ZCWPW2: variants seen among roughly 807,000 people sequenced by gnomAD.
ZCWPW2 encodes zinc finger CW-type PWWP domain protein 2.
A neutral mutation model predicts 46.6 loss-of-function variants in ZCWPW2; 45 were observed. The ratio of observed to expected loss-of-function variants is 0.96; its 90% CI spans 0.76 to 1.24. ZCWPW2 has a LOEUF of 1.24. Among genes scored for constraint, ZCWPW2 ranks in the 50% most tolerant of loss-of-function variants. The pLI is 0.00. For missense variants in ZCWPW2, 429 were observed against 403.9 expected (o/e 1.06, Z -0.53); for synonymous variants, 152 against 137.1 (o/e 1.11, Z -0.76).
At chr3:28,411,026 T>TTA (rs1696377315) in intron 2 of ZCWPW2, among the ~76,000 whole-genome samples, 2 of 152,030 alleles carry the variant, frequency 1.3e-5, no homozygotes, top group South Asian at 4.1e-4. Context: ...TTTACTTTAT[T>TTA]TAATGAAGTG....
intron 3 of ZCWPW2, among the ~76,000 whole-genome samples, chr3:28,422,421 C>A (rs1005513612): frequency 1.3e-5 from 2 of 152,102 alleles, no homozygotes; most frequent in East Asian, 3.9e-4. Flanking sequence ...ATCTTTCTAC[C>A]GTCTTCATAG....
At position 28,522,744 on chromosome 3, in the gene ZCWPW2, T is replaced by C. The variant is rs184975616; in HGVS notation, c.909+1628T>C. Among the ~76,000 whole-genome samples the C allele has an allele frequency of 5.7e-4, 87 of 152,318 alleles. 1 individual carries two copies. Among genetic ancestry groups the C allele is most frequent in the Admixed American group, 2.8e-3 (43 of 15,284 alleles). On this transcript the variant is annotated intron_variant, in intron 9 of 9. Coordinates refer to ENST00000383768, the MANE Select transcript of ZCWPW2 (RefSeq NM_001040432.4). ...CTGAATGTTCATGGGTTGTAAATGC[T>C]ACTTTTCCAGTTGGGTTCCTTTCCA... is the stretch of plus-strand genomic sequence containing the variant.
intron 1 of ZCWPW2, among the ~76,000 whole-genome samples, chr3:28,380,974 G>GTAT (rs1559480744): frequency 8.6e-4 from 2 of 2,334 alleles, no homozygotes; most frequent in Non-Finnish European, 1.4e-3. Context: ...ATATATATTT[G>GTAT]GTATATATAT....
At position 28,381,057 on chromosome 3, in the gene ZCWPW2, T is replaced by A. The variant is rs1182219208; in HGVS notation, c.-133-9441T>A. On this transcript the variant is annotated intron_variant, in intron 1 of 9. Coordinates refer to ENST00000383768, the MANE Select transcript of ZCWPW2 (RefSeq NM_001040432.4). ...TATATATATATATTTGGTGTATATA[T>A]ATATATATATATATATATATATACA... Among the ~76,000 whole-genome samples, 175 of 110,140 alleles carry A rather than the reference T, an allele frequency of 1.6e-3. 40 individuals carry two copies. Among genetic ancestry groups the A allele is most frequent in the Middle Eastern group, 0.013 (3 of 226 alleles). The allele number at this position is 110,140 out of a possible 152,430, so 72.3% of individuals were successfully genotyped here. A position where few individuals can be genotyped will look rare whatever the true frequency, so the allele number is the denominator to read the frequency against.
chr3:28,438,367 A>G (rs1170887299), intron 4 of ZCWPW2, among the ~76,000 whole-genome samples: 3 of 152,220 alleles, frequency 2.0e-5, no homozygotes, highest in African/African-American at 2.4e-5. Flanking sequence ...GACATTAAAC[A>G]TAGGACATTT....
At chr3:28,491,957 T>A (rs771060224) in intron 5 of ZCWPW2, among the ~76,000 whole-genome samples, 170 bp from the exon 6 acceptor site, 5 of 152,056 alleles carry the variant, frequency 3.3e-5, no homozygotes, top group Non-Finnish European at 7.4e-5. Context: ...ATTGCTCTAC[T>A]AAACAATGGA....
At chr3:28,367,950 A>C (rs1383787488) in intron 1 of ZCWPW2, among the ~76,000 whole-genome samples, 4 of 152,128 alleles carry the variant, frequency 2.6e-5, no homozygotes, top group African/African-American at 9.7e-5. Flanking sequence ...CTGTTTTATC[A>C]GAGACTAGGC....
chr3:28,386,454 A>G (rs1256942411), intron 1 of ZCWPW2, among the ~76,000 whole-genome samples: 5 of 152,140 alleles, frequency 3.3e-5, no homozygotes, highest in Non-Finnish European at 7.4e-5. Flanking sequence ...CAAGCAGACT[A>G]ATAGATTCAT....
At chr3:28,454,337 A>G (rs1337268403) in intron 4 of ZCWPW2, among the ~76,000 whole-genome samples, 2 of 152,194 alleles carry the variant, frequency 1.3e-5, no homozygotes, top group African/African-American at 4.8e-5. Context: ...ATGAGATATT[A>G]GGTCATGCAA....
Position 28,519,483 on chromosome 3 carries a change from A to T in ZCWPW2, c.785-1509A>T, listed in dbSNP as rs991495645. Among the ~76,000 whole-genome samples the T allele has an allele frequency of 9.2e-5, 14 of 152,236 alleles. 1 individual carries two copies. Among genetic ancestry groups the T allele is most frequent in the African/African-American group, 3.1e-4 (13 of 41,462 alleles). On this transcript the variant is annotated intron_variant, in intron 8 of 9. Transcript: ENST00000383768. ...AAAGTAGTTTTCCAGTACTGTAATG[A>T]CAACCAAGAAAGGGAAACCTATCAT...
rs1394477703 is a variant in ZCWPW2 at position 28,367,181 on chromosome 3, T to G, written c.-134+17978T>G. On this transcript the variant is annotated intron_variant, in intron 1 of 9. Transcript: ENST00000383768. ...CTGATCTTAGTTATTTCTTGCCTTC[T>G]GCTAGCTTTTGAATGTGTTTGCTCT... is the stretch of plus-strand genomic sequence containing the variant. Among the ~76,000 whole-genome samples, 7 of 152,324 alleles carry G rather than the reference T, an allele frequency of 4.6e-5. No homozygotes were observed. The South Asian group carries it at 1.4e-3, about 32-fold the overall frequency.
chr3:28,478,370 A>C (rs764203875), intron 4 of ZCWPW2: 1 of 259,624 alleles, frequency 3.9e-6, no homozygotes, highest in Non-Finnish European at 8.1e-6. Context: ...CAGCCTCCCA[A>C]GTAGCTGGGA....
intron 2 of ZCWPW2, among the ~76,000 whole-genome samples, chr3:28,391,514 A>G (rs1454258873): frequency 6.6e-6 from 1 of 152,218 alleles, no homozygotes; most frequent in East Asian, 1.9e-4. Context: ...CTGAAAGAAT[A>G]ATTGCAGAAA....
chr3:28,511,664 T>C (rs1700428638), intron 6 of ZCWPW2, among the ~76,000 whole-genome samples: 1 of 152,188 alleles, frequency 6.6e-6, no homozygotes, highest in Admixed American at 6.5e-5. Context: ...TGCTTTCACC[T>C]TTGTCTAACC....
intron 4 of ZCWPW2, among the ~76,000 whole-genome samples, chr3:28,450,196 T>C (rs1698170012): frequency 6.6e-6 from 1 of 152,228 alleles, no homozygotes; most frequent in Admixed American, 6.5e-5. Context: ...GTTTTATCCC[T>C]ACTAGTGTAG....
rs545053117 is a variant in ZCWPW2, at chr3:28,516,953, A to C, written c.784+1332A>C. 3.3e-5 allele frequency among the ~76,000 whole-genome samples: 5 copies of C among 152,316 alleles called. No individual in the cohort carries two copies. In the East Asian group the frequency reaches 9.7e-4, roughly 29 times the overall value. ...CCTGAGCCCAGGAGTTTGAGCTTGC[A>C]GTGATCTATGATCACGCCACTGCAC... On this transcript the variant is annotated intron_variant, in intron 8 of 9. Coordinates refer to ENST00000383768, the MANE Select transcript of ZCWPW2 (RefSeq NM_001040432.4).
chr3:28,402,539 C>CCTAAAT (rs1261179087), intron 2 of ZCWPW2, among the ~76,000 whole-genome samples: 2 of 152,152 alleles, frequency 1.3e-5, no homozygotes, highest in African/African-American at 2.4e-5. Flanking sequence ...GGGAACCTTT[C>CCTAAAT]CTAAATCATT....
intron 8 of ZCWPW2, among the ~76,000 whole-genome samples, chr3:28,520,268 C>T (rs1202328819): frequency 1.3e-5 from 2 of 152,074 alleles, no homozygotes; most frequent in Admixed American, 1.3e-4. Context: ...TCCCAAAGTG[C>T]TGGGATTACA....
chr3:28,439,986 T>C (rs1387309271), intron 4 of ZCWPW2, among the ~76,000 whole-genome samples: 1 of 152,178 alleles, frequency 6.6e-6, no homozygotes, highest in East Asian at 1.9e-4. Context: ...GGTCATGGTT[T>C]TTTTTCCTGG....
Sources: allele counts gnomAD v4.1 joint callset (sites outside exome capture counted in the v4.1 genomes callset), GRCh38; gene constraint gnomAD v4.1.1; transcripts MANE v1.5; gene names NCBI Gene and HGNC (gene_info 2026-07-23, HGNC 2026-07-21).